Variants in PCLO observed in about 807,000 individuals in gnomAD.
The protein encoded by PCLO is piccolo presynaptic cytomatrix protein.
PCLO carries 82 observed loss-of-function variants against 427.5 expected under a neutral mutation model. The ratio of observed to expected loss-of-function variants is 0.19; its 90% CI spans 0.16 to 0.23. The LOEUF (loss-of-function observed/expected upper bound fraction) is 0.23, where lower values mean the gene tolerates loss of function less well. Ranked by LOEUF, PCLO falls within the 10% of genes least tolerant of loss-of-function variation. PCLO has a pLI of 1.00. For missense variants in PCLO, 6,239 were observed against 6,115.9 expected, an observed-to-expected ratio of 1.02 and a Z score of -0.67; for synonymous variants, 2,357 against 2,155.4, an observed-to-expected ratio of 1.09 and a Z score of -2.59.
chr7:83,134,695 G>C lies in PCLO; in HGVS notation c.2855C>G (p.Pro952Arg), dbSNP rs752147371. 3 of 1,613,778 alleles carry C rather than the reference G, an allele frequency of 1.9e-6. No homozygotes were observed. The highest frequency in any genetic ancestry group is 2.5e-6 in the Non-Finnish European group (3 of 1,179,790). The change falls in exon 3 of 25, where the codon CCT becomes CGT. Residue 952 changes from proline to arginine, a missense_variant. Physicochemically the swap from Pro to Arg is moderately radical, Grantham distance 103 (BLOSUM62 -2). Around this residue, in one of 5 missense-constraint regions of PCLO, gnomAD observed 4,677 missense variants for 4,468.4 expected, o/e 1.05. Coordinates refer to ENST00000333891, the MANE Select transcript of PCLO (RefSeq NM_033026.6). Reference sequence around the variant, plus strand: ...TGGTCCACTTTGTGAATGAGGTCCAGGTTGGCCTGCAGTGGAAATTAAATT... The same window carrying C: ...TGGTCCACTTTGTGAATGAGGTCCACGTTGGCCTGCAGTGGAAATTAAATT... ...ASNLISTAGQ[P>R]GPHSQSGPGA...
chr7:82,978,592 A>G (rs1796075740), intron 3 of PCLO, among the ~76,000 whole-genome samples: 1 of 151,940 alleles, frequency 6.6e-6, no homozygotes, highest in South Asian at 2.1e-4. Context: ...AATACGATGA[A>G]TATATATTCA....
intron 9 of PCLO, among the ~76,000 whole-genome samples, chr7:82,895,201 A>C (rs966058349): frequency 1.2e-4 from 18 of 152,054 alleles, no homozygotes; most frequent in African/African-American, 4.1e-4. Context: ...ATCCCCAAAC[A>C]TTAGGGAATG....
intron 16 of PCLO, among the ~76,000 whole-genome samples, chr7:82,831,012 T>C (rs1198397996): frequency 6.6e-6 from 1 of 152,108 alleles, no homozygotes; most frequent in East Asian, 1.9e-4. Flanking sequence ...TGAGTATATA[T>C]TTAATTCATG....
chr7:82,754,595 T>C lies in PCLO; in HGVS notation c.*3980A>G, dbSNP rs1471202486. ...ACCAAGTGTATACTTATGTACAAGG[T>C]AATGCATTAAGAAAATGCTCTCAAT... On this transcript the variant is annotated 3_prime_UTR_variant, in exon 25 of 25. Coordinates refer to ENST00000333891, the MANE Select transcript of PCLO (RefSeq NM_033026.6). The C allele has an allele frequency of 1.3e-5, 2 of 152,104 alleles. No homozygotes were observed. Among genetic ancestry groups the C allele is most frequent in the African/African-American group, 4.8e-5 (2 of 41,446 alleles). 9.4% of individuals were successfully genotyped at this position (152,104 alleles called of 1,614,324 possible).
intron 9 of PCLO, among the ~76,000 whole-genome samples, chr7:82,885,480 A>C (rs962922464): frequency 6.6e-6 from 1 of 152,196 alleles, no homozygotes; most frequent in African/African-American, 2.4e-5. Context: ...ACCCATGAGA[A>C]TGACAAGATA....
intron 12 of PCLO, 67 bp from the exon 13 acceptor site, chr7:82,845,552 G>T: frequency 9.4e-7 from 1 of 1,065,236 alleles, no homozygotes; most frequent in Non-Finnish European, 1.4e-6. Flanking sequence ...ATGGAACTAT[G>T]TGAGTTCTAG....
chr7:83,159,314 T>C (rs1057438137), intron 1 of PCLO, among the ~76,000 whole-genome samples: 1 of 152,092 alleles, frequency 6.6e-6, no homozygotes, highest in Non-Finnish European at 1.5e-5. Context: ...TAGGGAAGGC[T>C]GAAAGTAGTA....
chr7:83,086,806 G>T (rs1475540617), intron 3 of PCLO, among the ~76,000 whole-genome samples: 4 of 151,956 alleles, frequency 2.6e-5, no homozygotes, highest in African/African-American at 9.7e-5. Flanking sequence ...ATTTGTGAAA[G>T]ATATAAATGC....
chr7:82,999,781 AT>A (rs1787763310), intron 3 of PCLO, among the ~76,000 whole-genome samples: 2 of 121,386 alleles, frequency 1.6e-5, no homozygotes, highest in Non-Finnish European at 3.2e-5. Context: ...ATATAATATT[AT>A]ATATAAAATA....
At chr7:82,904,977 G>C (rs925256964) in intron 8 of PCLO, among the ~76,000 whole-genome samples, 1 of 152,028 alleles carries the variant, frequency 6.6e-6, no homozygotes, top group African/African-American at 2.4e-5. Flanking sequence ...GTATGAATTA[G>C]ATGTACGAGC....
chr7:82,848,929 A>G (rs1174494006), intron 10 of PCLO: 3 of 403,216 alleles, frequency 7.4e-6, no homozygotes, highest in Non-Finnish European at 1.0e-5. Flanking sequence ...AGGCTGTTGT[A>G]CATATAAAAT....
At chr7:83,139,470 T>A (rs1020154100) in intron 2 of PCLO, among the ~76,000 whole-genome samples, 2 of 152,238 alleles carry the variant, frequency 1.3e-5, no homozygotes, top group Non-Finnish European at 2.9e-5. Context: ...TAATGTATGA[T>A]GTATATCAAC....
rs754512452 is a variant in PCLO at position 83,135,212 on chromosome 7, T to C, written c.2338A>G (p.Ser780Gly). 31 of 1,613,750 alleles carry C rather than the reference T, an allele frequency of 1.9e-5. 1 individual carries two copies. Among genetic ancestry groups the C allele is most frequent in the Middle Eastern group, 3.3e-4 (2 of 6,084 alleles). Residue 780 changes from serine (S) to glycine (G), a missense_variant, in exon 3 of 25, where the codon AGC (serine) becomes GGC (glycine). Around this residue, in one of 5 missense-constraint regions of PCLO, gnomAD observed 4,677 missense variants for 4,468.4 expected, o/e 1.05. Transcript: ENST00000333891. The stretch of plus-strand genomic sequence containing the variant: ...TCAGCTTGTGACTGTACTTTGGAGC[T>C]TGGAATATCAGGTTTTGTTGTTGCT... ...SSATTKPDIP[S>G]SKVQSQAEEK...
chr7:82,832,800 TACAC>T (rs10645073), intron 16 of PCLO, among the ~76,000 whole-genome samples: 23,894 of 140,488 alleles, frequency 0.17, 2,436 homozygotes, highest in East Asian at 0.36. Context: ...CTAAACTTAC[TACAC>T]ACACACACAC....
At chr7:82,810,499 G>T (rs968143627) in intron 20 of PCLO, among the ~76,000 whole-genome samples, 2 of 151,526 alleles carry the variant, frequency 1.3e-5, no homozygotes, top group Non-Finnish European at 3.0e-5. Flanking sequence ...ATATATGATA[G>T]AATCAGCTCA....
intron 10 of PCLO, among the ~76,000 whole-genome samples, chr7:82,858,465 AG>A (rs1337280905): frequency 6.6e-6 from 1 of 152,164 alleles, no homozygotes; most frequent in Non-Finnish European, 1.5e-5. Context: ...GCATTGGGAA[AG>A]AAAAAGAAAG....
At chr7:83,157,844 G>A (rs1272856205) in intron 1 of PCLO, among the ~76,000 whole-genome samples, 1 of 151,816 alleles carries the variant, frequency 6.6e-6, no homozygotes, top group African/African-American at 2.4e-5. Context: ...TAACTTAGTA[G>A]CACCTAAAAT....
In PCLO at chr7:82,966,380, A is replaced by C. The variant is rs1186070436; in HGVS notation, c.3408T>G (p.Pro1136=). ...PPAPSGPKAS[P]MPVPTESSSQ... ...ATGATGATTCTGTAGGAACAGGCAT[A>C]GGAGATGCTTTGGGTCCTGATGGTG... The change falls in exon 4 of 25, where the codon CCT becomes CCG. Residue 1136 remains proline (P), a synonymous_variant. Coordinates refer to ENST00000333891, the MANE Select transcript of PCLO (RefSeq NM_033026.6). 1.3e-5 allele frequency: 21 copies of C among 1,613,508 alleles called. No individual in the cohort carries two copies. The highest frequency in any genetic ancestry group is 1.8e-5 in the Non-Finnish European group (21 of 1,179,604).
In PCLO at chr7:82,949,489, G is replaced by A; in HGVS notation, c.11099C>T (p.Thr3700Ile). ...DESSRAPFQY[T>I]EGYTTKGSQT... ...AATCACTCTTACCGTATAGCCCTCG[G>A]TATACTGAAAAGGAGCCCTGGAACT... The change falls in exon 6 of 25, where the codon ACC (threonine) becomes ATC (isoleucine). Residue 3700 changes from threonine to isoleucine, a missense_variant. Coordinates refer to ENST00000333891, the MANE Select transcript of PCLO (RefSeq NM_033026.6). 1 of 1,602,462 alleles carries A rather than the reference G, an allele frequency of 6.2e-7. No individual in the cohort carries two copies. Among genetic ancestry groups the A allele is most frequent in the Non-Finnish European group, 8.5e-7 (1 of 1,174,372 alleles).
Sources: allele counts gnomAD v4.1 joint callset (sites outside exome capture counted in the v4.1 genomes callset), GRCh38; gene constraint gnomAD v4.1.1; regional missense constraint gnomAD v4.1.1; transcripts MANE v1.5; gene names NCBI Gene and HGNC (gene_info 2026-07-23, HGNC 2026-07-21).